Variants in SNX14 observed in about 807,000 individuals in gnomAD.
The protein encoded by SNX14 is sorting nexin 14, also known as sorting nexin-14.
A neutral mutation model predicts 133.8 loss-of-function variants in SNX14; 93 were observed. The ratio of observed to expected loss-of-function variants is 0.70; its 90% CI spans 0.59 to 0.83. The LOEUF (loss-of-function observed/expected upper bound fraction) is 0.83. SNX14 is among the 40% of genes least tolerant of loss of function. The pLI, the probability that SNX14 is intolerant of heterozygous loss-of-function variation, is 0.00. For synonymous variants in SNX14, 368 were observed against 365.6 expected, an observed-to-expected ratio of 1.01 and a Z score of -0.07; for missense variants, 945 against 1,094.9, an observed-to-expected ratio of 0.86 and a Z score of 1.93.
chr6:85,537,320 T>C (rs1035791865), intron 16 of SNX14, among the ~76,000 whole-genome samples: 1 of 152,038 alleles, frequency 6.6e-6, no homozygotes, highest in Non-Finnish European at 1.5e-5. Context: ...AACATCCCTT[T>C]AGAGTAACTG....
intron 9 of SNX14, 54 bp downstream of exon 9, chr6:85,548,247 A>G: frequency 2.3e-6 from 3 of 1,289,256 alleles, no homozygotes; most frequent in Non-Finnish European, 3.3e-6. Flanking sequence ...TAAGATACTA[A>G]ATGTTATATT....
At chr6:85,576,570 T>G (rs538809958) in intron 1 of SNX14, among the ~76,000 whole-genome samples, 1 of 152,166 alleles carries the variant, frequency 6.6e-6, no homozygotes, top group African/African-American at 2.4e-5. Context: ...CATCTCATGA[T>G]AGTAGAAATG....
At chr6:85,564,506 A>G (rs1793059772) in intron 6 of SNX14, among the ~76,000 whole-genome samples, 1 of 152,112 alleles carries the variant, frequency 6.6e-6, no homozygotes, top group Non-Finnish European at 1.5e-5. Flanking sequence ...TTTGATTTGC[A>G]TTTCTCTGAT....
chr6:85,536,259 A>G (rs1781935779), intron 17 of SNX14, among the ~76,000 whole-genome samples: 1 of 152,202 alleles, frequency 6.6e-6, no homozygotes, highest in African/African-American at 2.4e-5. Context: ...ATAAAATAGG[A>G]TGGTAAGTAA....
chr6:85,506,582 C>T (rs1234863458), intron 28 of SNX14, among the ~76,000 whole-genome samples: 1 of 152,160 alleles, frequency 6.6e-6, no homozygotes, highest in Non-Finnish European at 1.5e-5. Flanking sequence ...TCCCAAGGTG[C>T]TGGGATTACA....
chr6:85,589,065 A>G, intron 1 of SNX14: 1 of 359,200 alleles, frequency 2.8e-6, no homozygotes, highest in South Asian at 2.2e-5. Flanking sequence ...TCATTTCTCT[A>G]AAAACATTTT....
Position 85,536,834 on chromosome 6 carries a change from A to C in SNX14, c.1566T>G (p.Ala522=). The change falls in exon 17 of 29, where the codon GCT becomes GCG. Residue 522 remains alanine, a synonymous_variant. Transcript: ENST00000314673. ...CAGCTACACCATAATTAGGCAACATAGCTCCCTCCATTGTGGTACTTTTGA... is the reference window on the plus strand; with the variant it reads ...CAGCTACACCATAATTAGGCAACATCGCTCCCTCCATTGTGGTACTTTTGA... ...GVFKSTTMEG[A]MLPNYGVAEG... is the part of the protein sequence containing the mutation. The C allele has an allele frequency of 6.2e-7, 1 of 1,613,446 alleles. No homozygotes were observed. The highest frequency in any genetic ancestry group is 8.5e-7 in the Non-Finnish European group (1 of 1,179,682).
intron 4 of SNX14, chr6:85,568,225 C>A (rs533147159): frequency 6.6e-6 from 1 of 152,240 alleles, no homozygotes; most frequent in East Asian, 1.9e-4. Context: ...GAACCAAAAA[C>A]GTGCTATGGA....
chr6:85,534,215 C>T (rs1781140464), intron 17 of SNX14, among the ~76,000 whole-genome samples: 1 of 152,272 alleles, frequency 6.6e-6, no homozygotes, highest in East Asian at 1.9e-4. Flanking sequence ...CCTGTAATCC[C>T]AGCACTTTGG....
chr6:85,550,704 G>T (rs1015153297), intron 7 of SNX14, among the ~76,000 whole-genome samples: 4 of 151,886 alleles, frequency 2.6e-5, no homozygotes, highest in Non-Finnish European at 5.9e-5. Context: ...TTGTCATGTT[G>T]CCCAGGCTGG....
At chr6:85,540,541 G>GT (rs1783365208) in intron 15 of SNX14, among the ~76,000 whole-genome samples, 1 of 152,168 alleles carries the variant, frequency 6.6e-6, no homozygotes, top group South Asian at 2.1e-4. Context: ...TTTCACGGCT[G>GT]TAACATAAAT....
chr6:85,538,172 G>A (rs1782527963), intron 16 of SNX14, among the ~76,000 whole-genome samples: 1 of 151,978 alleles, frequency 6.6e-6, no homozygotes, highest in Non-Finnish European at 1.5e-5. Context: ...CATCCAAGAA[G>A]TAAATCAAAC....
At chr6:85,592,496 G>C (rs1441015928) in intron 1 of SNX14, among the ~76,000 whole-genome samples, 1 of 152,200 alleles carries the variant, frequency 6.6e-6, no homozygotes, top group Non-Finnish European at 1.5e-5. Flanking sequence ...AGCAAATCTG[G>C]TGTTAATTTT....
chr6:85,525,873 T>G (rs1441258632), intron 21 of SNX14, among the ~76,000 whole-genome samples: 1 of 152,116 alleles, frequency 6.6e-6, no homozygotes, highest in Non-Finnish European at 1.5e-5. Flanking sequence ...ATATTTAAAT[T>G]TAACAAAATA....
intron 16 of SNX14, 86 bp downstream of exon 16, chr6:85,538,752 T>C: frequency 8.1e-7 from 1 of 1,227,248 alleles, no homozygotes; most frequent in Non-Finnish European, 1.1e-6. Flanking sequence ...TGTTCCATTT[T>C]TTTCCTTTTT....
At chr6:85,520,626 G>A (rs534138593) in intron 21 of SNX14, among the ~76,000 whole-genome samples, 11 of 152,196 alleles carry the variant, frequency 7.2e-5, no homozygotes, top group Middle Eastern at 3.4e-3. Flanking sequence ...CCAAATTGCT[G>A]GGACTACAGG....
chr6:85,514,500 T>A lies in SNX14; in HGVS notation c.2392+6A>T, dbSNP rs775603083. 4 of 1,612,176 alleles carry A rather than the reference T, an allele frequency of 2.5e-6. No individual in the cohort carries two copies. Among genetic ancestry groups the A allele is most frequent in the Non-Finnish European group, 3.4e-6 (4 of 1,179,424 alleles). On this transcript the variant is annotated splice_donor_region_variant and intron_variant, in intron 24 of 28. Coordinates refer to ENST00000314673, the MANE Select transcript of SNX14 (RefSeq NM_153816.6). The stretch of plus-strand genomic sequence containing the variant: ...AAAAACAAGTCTTAAACCACTTAGA[T>A]CTTACCTACATACATCAGGTAATCA...
At chr6:85,566,701 GAAAA>G (rs538881420) in intron 5 of SNX14, among the ~76,000 whole-genome samples, 1 of 138,822 alleles carries the variant, frequency 7.2e-6, no homozygotes, top group Non-Finnish European at 1.6e-5. Flanking sequence ...CCATCTCAAA[GAAAA>G]AAAAAAGAAA....
chr6:85,574,067 T>G (rs1267236943), intron 2 of SNX14, among the ~76,000 whole-genome samples, 191 bp downstream of exon 2: 2 of 110,756 alleles, frequency 1.8e-5, no homozygotes, highest in Non-Finnish European at 4.0e-5. Flanking sequence ...TTTATAATAA[T>G]AAAATCATTT....
Sources: allele counts gnomAD v4.1 joint callset (sites outside exome capture counted in the v4.1 genomes callset), GRCh38; gene constraint gnomAD v4.1.1; transcripts MANE v1.5; gene names NCBI Gene and HGNC (gene_info 2026-07-23, HGNC 2026-07-21).